LAMA2: variants seen among roughly 807,000 people sequenced by gnomAD.
The protein encoded by LAMA2 is laminin subunit alpha-2.
Under a neutral mutation model 364.8 loss-of-function variants are expected in LAMA2, and 269 were observed. That is an observed-to-expected ratio of 0.74 (90% CI 0.67 to 0.82). The LOEUF (loss-of-function observed/expected upper bound fraction) is 0.82. Ranked by LOEUF, LAMA2 falls within the 40% of genes least tolerant of loss-of-function variation. LAMA2 has a pLI of 0.00. For missense variants in LAMA2, 3,807 were observed against 3,873.2 expected, an observed-to-expected ratio of 0.98 and a Z score of 0.45; for synonymous variants, 1,379 against 1,370.6, an observed-to-expected ratio of 1.01 and a Z score of -0.14.
chr6:129,269,073 A>C (rs1022626236), intron 16 of LAMA2, among the ~76,000 whole-genome samples: 1 of 152,124 alleles, frequency 6.6e-6, no homozygotes, highest in African/African-American at 2.4e-5. Context: ...TAAATTTATA[A>C]ATTTATAAAG....
chr6:129,120,086 G>T (rs1468011449), intron 4 of LAMA2, among the ~76,000 whole-genome samples: 1 of 152,118 alleles, frequency 6.6e-6, no homozygotes, highest in African/African-American at 2.4e-5. Flanking sequence ...GTCCATAAAA[G>T]AAACAAATAT....
At chr6:129,051,665 GATCGATC>G (rs1788035030) in intron 2 of LAMA2, among the ~76,000 whole-genome samples, 2 of 90,680 alleles carry the variant, frequency 2.2e-5, no homozygotes, top group African/African-American at 6.5e-5. Flanking sequence ...CATATCTATA[GATCGATC>G]TATAGATATC....
chr6:128,909,429 A>G (rs371592351), intron 1 of LAMA2, among the ~76,000 whole-genome samples: 3 of 150,712 alleles, frequency 2.0e-5, no homozygotes, highest in South Asian at 2.1e-4. Flanking sequence ...TTGGTTTAAA[A>G]TCTGTTTTAT....
At chr6:128,992,750 C>G (rs1274825139) in intron 1 of LAMA2, among the ~76,000 whole-genome samples, 1 of 152,110 alleles carries the variant, frequency 6.6e-6, no homozygotes, top group Non-Finnish European at 1.5e-5. Flanking sequence ...AAGACACCAG[C>G]TCTTTGTTTG....
intron 32 of LAMA2, among the ~76,000 whole-genome samples, chr6:129,353,845 CAAAACCCGT>C (rs1239209613): frequency 2.6e-5 from 4 of 152,162 alleles, no homozygotes; most frequent in Admixed American, 2.0e-4. Flanking sequence ...TCTTGAACTA[CAAAACCCGT>C]AAGCAGTAAC....
At chr6:129,008,876 G>A (rs10499146) in intron 1 of LAMA2, among the ~76,000 whole-genome samples, 21,610 of 152,064 alleles carry the variant, frequency 0.14, 1,699 homozygotes, top group South Asian at 0.19. Flanking sequence ...AAACATTTTA[G>A]GGACCACAAA....
intron 41 of LAMA2, among the ~76,000 whole-genome samples, chr6:129,429,555 C>A (rs897672122): frequency 2.6e-5 from 4 of 152,186 alleles, no homozygotes; most frequent in African/African-American, 9.7e-5. Flanking sequence ...TACAATTCTT[C>A]AGGCTGTGTA....
intron 42 of LAMA2, among the ~76,000 whole-genome samples, chr6:129,439,069 C>G (rs1001288456): frequency 1.3e-5 from 2 of 151,562 alleles, no homozygotes; most frequent in African/African-American, 4.8e-5. Context: ...TTCCAGGACC[C>G]CCCCCCACAG....
At chr6:128,964,143 T>C (rs576461976) in intron 1 of LAMA2, among the ~76,000 whole-genome samples, 2 of 152,168 alleles carry the variant, frequency 1.3e-5, no homozygotes, top group South Asian at 4.1e-4. Flanking sequence ...TGAAATGGTA[T>C]CAAGTGAGTT....
chr6:129,120,206 C>T (rs1292647959), intron 4 of LAMA2, among the ~76,000 whole-genome samples: 4 of 151,766 alleles, frequency 2.6e-5, no homozygotes, highest in South Asian at 4.2e-4. Context: ...TATTTGTGTC[C>T]GAAAGTCACA....
At chr6:129,383,259 C>A in intron 35 of LAMA2, 26 bp downstream of exon 35, 2 of 1,515,848 alleles carry the variant, frequency 1.3e-6, no homozygotes, top group Non-Finnish European at 1.8e-6. Flanking sequence ...ACATTTTAAT[C>A]ATCATTTCTC....
intron 40 of LAMA2, among the ~76,000 whole-genome samples, chr6:129,426,795 G>C (rs1052325692): frequency 8.5e-5 from 13 of 152,096 alleles, no homozygotes; most frequent in African/African-American, 3.1e-4. Context: ...ATCTTTTCTA[G>C]TTTAATGTTC....
At chr6:128,954,042 A>G (rs997946938) in intron 1 of LAMA2, among the ~76,000 whole-genome samples, 3 of 152,132 alleles carry the variant, frequency 2.0e-5, no homozygotes, top group African/African-American at 4.8e-5. Context: ...AGTTCTACAG[A>G]GAAGTTAGGT....
intron 34 of LAMA2, among the ~76,000 whole-genome samples, chr6:129,373,309 T>C (rs2114634349): frequency 6.6e-6 from 1 of 152,298 alleles, no homozygotes; most frequent in East Asian, 1.9e-4. Flanking sequence ...TTAATTCCAA[T>C]ACTATTTTAA....
At chr6:128,903,661 C>T (rs1777227199) in intron 1 of LAMA2, among the ~76,000 whole-genome samples, 1 of 152,188 alleles carries the variant, frequency 6.6e-6, no homozygotes, top group Non-Finnish European at 1.5e-5. Flanking sequence ...CTTCTTTATC[C>T]TCTGCTTTAT....
intron 12 of LAMA2, among the ~76,000 whole-genome samples, chr6:129,196,954 C>G (rs1414927078): frequency 6.6e-6 from 1 of 152,110 alleles, no homozygotes; most frequent in East Asian, 1.9e-4. Flanking sequence ...ACCTGAACAT[C>G]ATGGGAAGGG....
chr6:129,370,037 C>A (rs1777986362), intron 34 of LAMA2, 47 bp downstream of exon 34: 2 of 1,470,326 alleles, frequency 1.4e-6, no homozygotes, highest in African/African-American at 1.4e-5. Context: ...TAGATTATGT[C>A]AATGAAGGAA....
At chr6:129,273,218 G>A (rs141900050) in intron 17 of LAMA2, among the ~76,000 whole-genome samples, 96 of 152,250 alleles carry the variant, frequency 6.3e-4, no homozygotes, top group African/African-American at 2.2e-3. Flanking sequence ...GTATATATGC[G>A]AAGGGTTAGA....
intron 40 of LAMA2, among the ~76,000 whole-genome samples, chr6:129,413,286 G>A (rs898849758): frequency 3.3e-5 from 5 of 152,036 alleles, no homozygotes; most frequent in South Asian, 2.1e-4. Context: ...TAATAACAAA[G>A]CCTATGGATA....
Sources: gnomAD v4.1 joint callset for allele counts (sites outside exome capture counted in the v4.1 genomes callset) on GRCh38, gnomAD v4.1.1 for gene constraint, MANE v1.5 for transcripts, NCBI Gene and HGNC (gene_info 2026-07-23, HGNC 2026-07-21) for gene names.